NLGN4X: variants seen among roughly 807,000 people sequenced by gnomAD.
The protein encoded by NLGN4X is neuroligin 4 X-linked, also known as neuroligin-4, X-linked.
Under a neutral mutation model 40.3 loss-of-function variants are expected in NLGN4X, and 3 were observed. The observed-to-expected ratio is 0.07, with a 90% CI of 0.03 to 0.19. NLGN4X has a LOEUF of 0.19. Ranked by LOEUF, NLGN4X falls within the 10% of genes least tolerant of loss-of-function variation. NLGN4X has a pLI of 1.00. For synonymous variants in NLGN4X, 270 were observed against 306.8 expected (o/e 0.88, Z 1.25); for missense variants, 382 against 708.3 (o/e 0.54, Z 5.23).
intron 4 of NLGN4X, among the ~76,000 whole-genome samples, chrX:5,906,568 G>A (rs979995841): frequency 1.8e-5 from 2 of 111,703 alleles, no homozygotes; most frequent in African/African-American, 6.5e-5. Context: ...CCAGGCTGGA[G>A]TGGAACCTCA....
intron 2 of NLGN4X, among the ~76,000 whole-genome samples, chrX:6,146,121 GAAA>G (rs779983813): frequency 2.5e-4 from 18 of 71,252 alleles, no homozygotes; most frequent in Admixed American, 3.2e-4. Context: ...TTTCTAAAAG[GAAA>G]AAAAAAAAAA....
Position 6,054,435 on chromosome X carries a change from C to T in NLGN4X, c.473-25003G>A, listed in dbSNP as rs1401903785. Among the ~76,000 whole-genome samples the T allele has an allele frequency of 2.7e-5, 3 of 110,094 alleles. No homozygotes were observed. The Admixed American group carries it at 2.9e-4, about 11-fold the overall frequency. On this transcript the variant is annotated intron_variant, in intron 2 of 5. Coordinates refer to ENST00000381095, the MANE Select transcript of NLGN4X (RefSeq NM_181332.3). ...TTCAAGACCAGACTGGGCAGCAGAG[C>T]GAGACCCTGTTTCTACAAAAATAAA... is the stretch of plus-strand genomic sequence containing the variant.
rs994339431 is a variant in NLGN4X, at chrX:5,891,753, C to T, written c.*1064G>A. 1.2e-5 allele frequency: 2 copies of T among 168,560 alleles called. No homozygotes were observed. Among genetic ancestry groups the T allele is most frequent in the African/African-American group, 6.3e-5 (2 of 31,734 alleles). 13.9% of individuals were successfully genotyped at this position (168,560 alleles called of 1,213,427 possible). ...TAATTTAACAAGCTGTAAATACACT[C>T]CACTTTGGGGACCCATCTCTGTACT... On this transcript the variant is annotated 3_prime_UTR_variant, in exon 6 of 6. Coordinates refer to ENST00000381095, the MANE Select transcript of NLGN4X (RefSeq NM_181332.3).
At chrX:6,032,533 G>C (rs2036894184) in intron 2 of NLGN4X, among the ~76,000 whole-genome samples, 1 of 108,562 alleles carries the variant, frequency 9.2e-6, no homozygotes, top group South Asian at 4.0e-4. Flanking sequence ...AAAAATGACA[G>C]TGGTTTCTAT....
chrX:6,032,653 C>G, intron 2 of NLGN4X: 1 of 949,130 alleles, frequency 1.1e-6, no homozygotes, highest in Non-Finnish European at 1.5e-6. Flanking sequence ...GATATAAAAT[C>G]ATGCACTGGG....
intron 2 of NLGN4X, among the ~76,000 whole-genome samples, chrX:6,069,324 T>C (rs1329343668): frequency 9.0e-6 from 1 of 110,681 alleles, no homozygotes; most frequent in Non-Finnish European, 1.9e-5. Flanking sequence ...TAGACATCCA[T>C]ACCAGAAACT....
At chrX:5,984,615 CA>C (rs756256417) in intron 3 of NLGN4X, among the ~76,000 whole-genome samples, 64 of 111,769 alleles carry the variant, frequency 5.7e-4, no homozygotes, top group African/African-American at 1.8e-3. Flanking sequence ...TTAAAGGTAT[CA>C]GGGGGATATA....
At chrX:5,908,927 C>A (rs1037343991) in intron 4 of NLGN4X, 127 bp downstream of exon 4, 2 of 747,054 alleles carry the variant, frequency 2.7e-6, no homozygotes, top group East Asian at 3.4e-5. Flanking sequence ...TTCATTTGAT[C>A]TTTTGGGCAT....
chrX:5,956,965 CTGTGTGTG>C (rs564463682), intron 3 of NLGN4X, among the ~76,000 whole-genome samples: 1 of 106,681 alleles, frequency 9.4e-6, no homozygotes, highest in African/African-American at 3.4e-5. Context: ...TGTGTGGTGT[CTGTGTGTG>C]TGTGTGTGTG....
chrX:6,073,048 T>C (rs2147370886), intron 2 of NLGN4X, among the ~76,000 whole-genome samples: 1 of 112,446 alleles, frequency 8.9e-6, no homozygotes, highest in Admixed American at 9.4e-5. Flanking sequence ...GACACCTTGC[T>C]TAAAATATTA....
chrX:5,913,188 C>T (rs2032597220), intron 3 of NLGN4X, among the ~76,000 whole-genome samples: 1 of 111,124 alleles, frequency 9.0e-6, no homozygotes, highest in African/African-American at 3.3e-5. Flanking sequence ...TGATTTTTTG[C>T]AAGCTTTTTG....
chrX:6,221,440 T>C (rs1392511956), intron 1 of NLGN4X, among the ~76,000 whole-genome samples: 1 of 94,429 alleles, frequency 1.1e-5, no homozygotes, highest in Non-Finnish European at 2.1e-5. Context: ...TTTGCTTTTA[T>C]CTAATGTGTT....
At chrX:6,086,845 C>A (rs1414897006) in intron 2 of NLGN4X, among the ~76,000 whole-genome samples, 4 of 110,551 alleles carry the variant, frequency 3.6e-5, no homozygotes, top group Non-Finnish European at 7.6e-5. Context: ...TGTTGCCCAG[C>A]CTGGTCTTGA....
chrX:6,116,391 CTTTTTTTTTTTTTTTTTTT>C (rs1157468420), intron 2 of NLGN4X, among the ~76,000 whole-genome samples: 175 of 22,233 alleles, frequency 7.9e-3, no homozygotes, highest in Non-Finnish European at 9.6e-3. Flanking sequence ...ACCTTTCTTT[CTTTTTTTTTTTTTTTTTTT>C]TTTTTTTTTT....
chrX:6,156,685 A>G (rs1413836199), intron 1 of NLGN4X, among the ~76,000 whole-genome samples: 1 of 110,661 alleles, frequency 9.0e-6, no homozygotes, highest in African/African-American at 3.3e-5. Context: ...ACATAAAGCA[A>G]TAACAAACTT....
At chrX:6,036,151 T>A (rs184468161) in intron 2 of NLGN4X, among the ~76,000 whole-genome samples, 1 of 111,831 alleles carries the variant, frequency 8.9e-6, no homozygotes, top group Non-Finnish European at 1.9e-5. Flanking sequence ...TATATCTTTA[T>A]AGTACCTTTT....
chrX:6,135,415 G>C (rs957010010), intron 2 of NLGN4X, among the ~76,000 whole-genome samples: 2 of 111,666 alleles, frequency 1.8e-5, no homozygotes, highest in African/African-American at 6.5e-5. Context: ...TTTGCCCCAA[G>C]TTCATCTCCT....
At chrX:6,000,344 T>C (rs1170932104) in intron 3 of NLGN4X, among the ~76,000 whole-genome samples, 1 of 112,470 alleles carries the variant, frequency 8.9e-6, no homozygotes, top group African/African-American at 3.2e-5. Flanking sequence ...ATTAATGGGC[T>C]AGACTTTCCC....
chrX:6,003,027 C>G (rs2036010035), intron 3 of NLGN4X, among the ~76,000 whole-genome samples: 1 of 111,470 alleles, frequency 9.0e-6, no homozygotes, highest in African/African-American at 3.3e-5. Context: ...CTGCATTTAC[C>G]ATCTTCAATT....
Sources: gnomAD v4.1 joint callset for allele counts (sites outside exome capture counted in the v4.1 genomes callset) on GRCh38, gnomAD v4.1.1 for gene constraint, MANE v1.5 for transcripts, NCBI Gene and HGNC (gene_info 2026-07-23, HGNC 2026-07-21) for gene names.